Variants in ZNF236 observed in about 807,000 individuals in gnomAD.
ZNF236 encodes regulated by glucose.
A neutral mutation model predicts 191.2 loss-of-function variants in ZNF236; 50 were observed. The ratio of observed to expected loss-of-function variants is 0.26; its 90% confidence interval spans 0.21 to 0.33. ZNF236 has a LOEUF of 0.33. Ranked by LOEUF, ZNF236 falls within the 10% of genes least tolerant of loss-of-function variation. The pLI, the probability that ZNF236 is intolerant of heterozygous loss-of-function variation, is 1.00. For missense variants in ZNF236, 1,754 were observed against 2,374.5 expected, an observed-to-expected ratio of 0.74 and a Z score of 5.43; for synonymous variants, 907 against 928.8, an observed-to-expected ratio of 0.98 and a Z score of 0.43.
chr18:76,915,179 T>C (rs907875019), intron 18 of ZNF236, among the ~76,000 whole-genome samples: 1 of 152,214 alleles, frequency 6.6e-6, no homozygotes, highest in African/African-American at 2.4e-5. Context: ...TATGGGACTT[T>C]ATTTGAAAGT....
At position 76,927,224 on chromosome 18, in the gene ZNF236, G is replaced by A. The variant is rs1464101535; in HGVS notation, c.4173+42G>A. On this transcript the variant is annotated intron_variant, in intron 23 of 30. Coordinates refer to ENST00000320610, the MANE Select transcript of ZNF236 (RefSeq NM_001306089.2). This position sits in a 1 kb window ranked among gnomAD's most constrained non-coding sequence, Gnocchi z 5.4. ...GGTCTCCTGTGCTGTAATTCTCTTGGCATCACAGAGAAGCATGAAGTTTTC... is the reference window on the plus strand; with the variant it reads ...GGTCTCCTGTGCTGTAATTCTCTTGACATCACAGAGAAGCATGAAGTTTTC... 1 of 1,611,522 alleles carries A rather than the reference G, an allele frequency of 6.2e-7. No individual in the cohort carries two copies. Among genetic ancestry groups the A allele is most frequent in the Non-Finnish European group, 8.5e-7 (1 of 1,177,850 alleles).
intron 1 of ZNF236, chr18:76,840,967 C>A (rs1458637796): frequency 6.6e-6 from 1 of 152,036 alleles, no homozygotes; most frequent in African/African-American, 2.4e-5. Flanking sequence ...ATTACAGGCA[C>A]GCACCACCAT....
chr18:76,946,107 G>T (rs1378118147), intron 26 of ZNF236, among the ~76,000 whole-genome samples: 6 of 152,208 alleles, frequency 3.9e-5, no homozygotes, highest in Non-Finnish European at 5.9e-5. Flanking sequence ...TCCCCACCCA[G>T]ATCTCATCTT....
chr18:76,928,065 C>A lies in ZNF236; in HGVS notation c.4553C>A (p.Ser1518Tyr). Residue 1518 changes from serine to tyrosine, a missense_variant, in exon 25 of 31, where the codon TCT becomes TAT. By Grantham distance (144) the Ser-to-Tyr change is moderately radical (BLOSUM62 -2). Coordinates refer to ENST00000320610, the MANE Select transcript of ZNF236 (RefSeq NM_001306089.2). ...CAGGCCGCTGGGCCCACTGCCACGT[C>A]TTCCTCGGGGTCTCCACAGGAAATT... ...LAQAAGPTAT[S>Y]SSGSPQEITL... The A allele has an allele frequency of 6.2e-7, 1 of 1,613,744 alleles. No homozygotes were observed. Among genetic ancestry groups the A allele is most frequent in the Non-Finnish European group, 8.5e-7 (1 of 1,179,868 alleles).
chr18:76,900,170 A>G (rs1320998936), intron 11 of ZNF236, among the ~76,000 whole-genome samples: 2 of 152,200 alleles, frequency 1.3e-5, no homozygotes, highest in African/African-American at 2.4e-5. Flanking sequence ...CATAACCTTT[A>G]TTTACAATAA....
intron 11 of ZNF236, among the ~76,000 whole-genome samples, chr18:76,900,765 T>G (rs1368234786): frequency 6.6e-6 from 1 of 152,062 alleles, no homozygotes; most frequent in Non-Finnish European, 1.5e-5. Context: ...CTAAAAAAAC[T>G]AGGAAAATTA....
At position 76,923,313 on chromosome 18, in the gene ZNF236, TAA is replaced by T. The variant is rs1416957217; in HGVS notation, c.3661+142_3661+143del. 3 of 563,126 alleles carry T rather than the reference TAA, an allele frequency of 5.3e-6. No individual in the cohort carries two copies. In the African/African-American group the frequency reaches 5.7e-5, roughly 11 times the overall value. 34.9% of individuals were successfully genotyped at this position (563,126 alleles called of 1,614,324 possible). On this transcript the variant is annotated intron_variant, in intron 21 of 30. Coordinates refer to ENST00000320610, the MANE Select transcript of ZNF236 (RefSeq NM_001306089.2). Reference sequence around the variant, plus strand: ...ATGAGGCACCAAGAAGGAAGTGATATAAAAGATTTTTTTATTCCTGACACAGG... The same window carrying T: ...ATGAGGCACCAAGAAGGAAGTGATATAAGATTTTTTTATTCCTGACACAGG...
intron 5 of ZNF236, among the ~76,000 whole-genome samples, chr18:76,874,027 GTCC>G (rs1198403026): frequency 4.1e-5 from 6 of 147,884 alleles, no homozygotes; most frequent in South Asian, 4.3e-4. Flanking sequence ...CTGCCTGCCT[GTCC>G]TCCTCTCCTG....
In ZNF236 at chr18:76,871,858, G is replaced by A. The variant is rs745337362; in HGVS notation, c.667+33G>A. 28 of 1,612,304 alleles carry A rather than the reference G, an allele frequency of 1.7e-5. 1 individual carries two copies. Among genetic ancestry groups the A allele is most frequent in the Admixed American group, 1.2e-4 (7 of 59,868 alleles). On this transcript the variant is annotated intron_variant, in intron 5 of 30. Coordinates refer to ENST00000320610, the MANE Select transcript of ZNF236 (RefSeq NM_001306089.2). ...AACACTGACTTCTGGATGACTGACC[G>A]TGTGGCTGGAAGGGAAGAACAGGTG...
chr18:76,971,343 T>C lies in ZNF236; in HGVS notation c.*3004T>C, dbSNP rs1968906239. On this transcript the variant is annotated 3_prime_UTR_variant, in exon 31 of 31. Transcript: ENST00000320610. ...TTGAGGCACTTAGAAAGTATCTAAA[T>C]AGAGGAAATGCTATGACATGGCATC... 6.6e-6 allele frequency among the ~76,000 whole-genome samples: 1 copy of C among 152,192 alleles called. No individual in the cohort carries two copies. Among genetic ancestry groups the C allele is most frequent in the African/African-American group, 2.4e-5 (1 of 41,450 alleles).
intron 4 of ZNF236, among the ~76,000 whole-genome samples, chr18:76,870,879 G>A (rs1429829237): frequency 6.6e-6 from 1 of 152,158 alleles, no homozygotes; most frequent in African/African-American, 2.4e-5. Flanking sequence ...AGTGAGATGG[G>A]AGTCCTTGGA....
chr18:76,908,224 G>T, intron 13 of ZNF236, 96 bp from the exon 14 acceptor site: 1 of 1,433,386 alleles, frequency 7.0e-7, no homozygotes, highest in Non-Finnish European at 9.4e-7. Context: ...AATAAAAAAT[G>T]TTATTTAATC....
chr18:76,878,231 TA>T, intron 7 of ZNF236, 79 bp downstream of exon 7: 1 of 1,382,342 alleles, frequency 7.2e-7, no homozygotes, highest in Non-Finnish European at 9.6e-7. Flanking sequence ...ATTGAATATT[TA>T]GTAGCAAAAA....
intron 13 of ZNF236, among the ~76,000 whole-genome samples, chr18:76,905,859 A>G (rs1477809284): frequency 6.6e-6 from 1 of 152,246 alleles, no homozygotes; most frequent in Non-Finnish European, 1.5e-5. Context: ...TAGATATTCC[A>G]TAAACTTTTC....
chr18:76,877,274 T>A (rs1976742643), intron 6 of ZNF236, among the ~76,000 whole-genome samples: 2 of 152,134 alleles, frequency 1.3e-5, no homozygotes, highest in Admixed American at 1.3e-4. Context: ...TTTGGGAGGC[T>A]GAGGTGGGTG....
intron 26 of ZNF236, among the ~76,000 whole-genome samples, chr18:76,945,955 CTG>C (rs1217674926): frequency 1.3e-5 from 2 of 151,690 alleles, no homozygotes. Context: ...CTGATGATGA[CTG>C]TATGTTTTTG....
Position 76,880,416 on chromosome 18 carries a change from A to C in ZNF236, c.1188+100A>C. ...TAAATCTGCAGGGCTTGTCAAAGTC[A>C]GGGTATCCTCATGAAAAATGTGCCT... On this transcript the variant is annotated intron_variant, in intron 8 of 30. Transcript: ENST00000320610. This position sits in a 1 kb window ranked among gnomAD's most constrained non-coding sequence, Gnocchi z 5.0. 7.9e-7 allele frequency: 1 copy of C among 1,268,888 alleles called. No individual in the cohort carries two copies. The highest frequency in any genetic ancestry group is 1.1e-6 in the Non-Finnish European group (1 of 942,648). 78.6% of individuals were successfully genotyped at this position (1,268,888 alleles called of 1,614,324 possible). A position where few individuals can be genotyped will look rare whatever the true frequency, so the allele number is the denominator to read the frequency against.
At chr18:76,950,073 C>T (rs1315280757) in intron 27 of ZNF236, among the ~76,000 whole-genome samples, 1 of 152,076 alleles carries the variant, frequency 6.6e-6, no homozygotes, top group East Asian at 1.9e-4. Flanking sequence ...GGTTGAGGGT[C>T]TTGCCTTGAT....
intron 1 of ZNF236, among the ~76,000 whole-genome samples, chr18:76,840,572 A>G (rs998271441): frequency 5.3e-5 from 8 of 151,844 alleles, no homozygotes; most frequent in East Asian, 1.9e-4. Flanking sequence ...CAACGAATAC[A>G]TACAGATACT....
Sources: gnomAD v4.1 joint callset for allele counts (sites outside exome capture counted in the v4.1 genomes callset) on GRCh38, gnomAD v4.1.1 for gene constraint, Gnocchi (gnomAD v3.1) non-coding constraint, MANE v1.5 for transcripts, NCBI Gene and HGNC (gene_info 2026-07-23, HGNC 2026-07-21) for gene names.